Variants in MALRD1 observed in about 807,000 individuals in gnomAD.
The protein encoded by MALRD1 is MAM and LDL receptor class A domain containing 1.
Under a neutral mutation model 242.1 loss-of-function variants are expected in MALRD1, and 247 were observed. The observed-to-expected ratio is 1.02, with a 90% CI of 0.92 to 1.13. The LOEUF (loss-of-function observed/expected upper bound fraction) is 1.13. MALRD1 is among the 50% of genes most tolerant of loss of function. The pLI is 0.00. For missense variants in MALRD1, 2,989 were observed against 2,533.1 expected (o/e 1.18, Z -3.86); for synonymous variants, 995 against 866.6 (o/e 1.15, Z -2.60).
At chr10:19,072,095 T>G (rs746036681) in intron 2 of MALRD1, among the ~76,000 whole-genome samples, 1 of 152,182 alleles carries the variant, frequency 6.6e-6, no homozygotes, top group Admixed American at 6.5e-5. Flanking sequence ...TTTTCTTATC[T>G]GCACGTACAC....
chr10:19,694,506 A>T (rs967466214), intron 38 of MALRD1, among the ~76,000 whole-genome samples: 4 of 152,260 alleles, frequency 2.6e-5, no homozygotes, highest in African/African-American at 9.6e-5. Context: ...AGAAATGTAA[A>T]TCAAAACCAG....
At chr10:19,593,365 C>T (rs1013219505) in intron 33 of MALRD1, among the ~76,000 whole-genome samples, 1 of 152,130 alleles carries the variant, frequency 6.6e-6, no homozygotes, top group Non-Finnish European at 1.5e-5. Context: ...AGTCTAAATA[C>T]CTTCTAGATA....
intron 28 of MALRD1, among the ~76,000 whole-genome samples, chr10:19,390,502 ATAT>A (rs1846295208): frequency 6.6e-6 from 1 of 152,208 alleles, no homozygotes; most frequent in Admixed American, 6.5e-5. Flanking sequence ...AACATAGTAA[ATAT>A]TAATATTAAT....
chr10:19,635,800 T>C (rs1840102429), intron 36 of MALRD1, among the ~76,000 whole-genome samples: 1 of 152,080 alleles, frequency 6.6e-6, no homozygotes, highest in African/African-American at 2.4e-5. Flanking sequence ...ATGCAAAACA[T>C]ACACTGAAAT....
intron 28 of MALRD1, among the ~76,000 whole-genome samples, chr10:19,418,370 A>G (rs944498841): frequency 5.9e-5 from 9 of 152,122 alleles, no homozygotes; most frequent in African/African-American, 2.2e-4. Context: ...TTTTCAAGCT[A>G]ATCTCTTTTT....
At chr10:19,414,264 A>T (rs1292216850) in intron 28 of MALRD1, among the ~76,000 whole-genome samples, 11 of 152,202 alleles carry the variant, frequency 7.2e-5, no homozygotes, top group African/African-American at 2.7e-4. Context: ...AGTAAAATCC[A>T]TTCAGGTGCA....
At chr10:19,102,530 GT>G (rs1836305008) in intron 4 of MALRD1, among the ~76,000 whole-genome samples, 1 of 152,070 alleles carries the variant, frequency 6.6e-6, no homozygotes, top group Non-Finnish European at 1.5e-5. Context: ...AAAATGATCT[GT>G]TGTGTTTTGC....
At chr10:19,493,645 TAAA>T (rs758905906) in intron 30 of MALRD1, among the ~76,000 whole-genome samples, 6 of 122,020 alleles carry the variant, frequency 4.9e-5, no homozygotes, top group Non-Finnish European at 3.6e-5. Context: ...CCGTCTCTAC[TAAA>T]AAAAAAAAAA....
intron 29 of MALRD1, among the ~76,000 whole-genome samples, chr10:19,463,154 T>A (rs1836029481): frequency 6.6e-6 from 1 of 152,174 alleles, no homozygotes; most frequent in East Asian, 1.9e-4. Context: ...CTTTTATTTT[T>A]AAATTTAATT....
At chr10:19,566,831 T>C (rs1247914475) in intron 32 of MALRD1, among the ~76,000 whole-genome samples, 2 of 152,186 alleles carry the variant, frequency 1.3e-5, no homozygotes, top group East Asian at 3.9e-4. Context: ...TTTTCTCAAT[T>C]ATAGAATGTT....
chr10:19,319,396 G>A lies in MALRD1; in HGVS notation c.3420-4553G>A, dbSNP rs572376130. On this transcript the variant is annotated intron_variant, in intron 21 of 39. Coordinates refer to ENST00000454679, the MANE Select transcript of MALRD1 (RefSeq NM_001142308.3). ...ATAAAAAACGTTATTCTTTCCATCA[G>A]TACTTCACAAGAGCCACACTTTTCA... Among the ~76,000 whole-genome samples the A allele has an allele frequency of 3.3e-5, 5 of 152,080 alleles. 1 individual carries two copies. In the East Asian group the frequency reaches 5.8e-4, roughly 18 times the overall value.
chr10:19,085,741 A>T (rs1216101798), intron 2 of MALRD1, among the ~76,000 whole-genome samples: 2 of 152,022 alleles, frequency 1.3e-5, no homozygotes, highest in African/African-American at 2.4e-5. Flanking sequence ...TTATTATTTA[A>T]TAACTTAATG....
At chr10:19,478,223 C>T (rs1002638712) in intron 29 of MALRD1, among the ~76,000 whole-genome samples, 3 of 152,198 alleles carry the variant, frequency 2.0e-5, no homozygotes, top group Non-Finnish European at 4.4e-5. Flanking sequence ...GCGAATGCTT[C>T]AATGCAAATC....
At chr10:19,475,776 CCTTT>C (rs1158601658) in intron 29 of MALRD1, among the ~76,000 whole-genome samples, 6 of 152,170 alleles carry the variant, frequency 3.9e-5, no homozygotes, top group East Asian at 3.9e-4. Flanking sequence ...TCTGCAGTGA[CCTTT>C]CTATGTCAAT....
intron 18 of MALRD1, among the ~76,000 whole-genome samples, chr10:19,240,271 A>C (rs1029142271): frequency 2.6e-5 from 4 of 151,906 alleles, no homozygotes; most frequent in African/African-American, 9.7e-5. Context: ...TTTCTTGATG[A>C]CTTTTTCAGA....
At chr10:19,726,916 C>A (rs1293685466) in intron 38 of MALRD1, among the ~76,000 whole-genome samples, 1 of 152,056 alleles carries the variant, frequency 6.6e-6, no homozygotes, top group Non-Finnish European at 1.5e-5. Flanking sequence ...GAAGGTAAAT[C>A]AGAATTTACC....
chr10:19,289,495 T>C (rs965504195), intron 21 of MALRD1, among the ~76,000 whole-genome samples: 17 of 152,196 alleles, frequency 1.1e-4, no homozygotes, highest in African/African-American at 4.1e-4. Context: ...GAATGCTTAA[T>C]GGTCAGATAA....
chr10:19,115,439 A>G (rs182805957), intron 5 of MALRD1, among the ~76,000 whole-genome samples: 1 of 151,514 alleles, frequency 6.6e-6, no homozygotes, highest in Admixed American at 6.6e-5. Flanking sequence ...TTTTTTTTTT[A>G]AAAGTAAAAA....
intron 28 of MALRD1, 136 bp downstream of exon 28, chr10:19,389,745 T>C: frequency 1.1e-6 from 1 of 876,096 alleles, no homozygotes; most frequent in African/African-American, 1.7e-5. Context: ...ACTCAAGCGA[T>C]CCTCCTGCCT....
Sources: allele counts gnomAD v4.1 joint callset (sites outside exome capture counted in the v4.1 genomes callset), GRCh38; gene constraint gnomAD v4.1.1; transcripts MANE v1.5; gene names NCBI Gene and HGNC (gene_info 2026-07-23, HGNC 2026-07-21).